LTN1: variants seen among roughly 807,000 people sequenced by gnomAD.
The protein encoded by LTN1 is E3 ubiquitin-protein ligase listerin.
A neutral mutation model predicts 201.2 loss-of-function variants in LTN1; 88 were observed. That is an observed-to-expected ratio of 0.44 (90% CI 0.37 to 0.52). LTN1 has a LOEUF of 0.52. Ranked by LOEUF, LTN1 falls within the 20% of genes least tolerant of loss-of-function variation. The probability of loss-of-function intolerance (pLI) is 0.00; values close to 1 mark genes in which losing one functional copy is unlikely to be tolerated. For synonymous variants in LTN1, 645 were observed against 713.5 expected (o/e 0.90, Z 1.53); for missense variants, 1,752 against 2,038.7 (o/e 0.86, Z 2.71).
In LTN1 at chr21:28,960,559, A is replaced by G. The variant is rs768007697; in HGVS notation, c.2311T>C (p.Trp771Arg). The G allele has an allele frequency of 6.2e-6, 10 of 1,613,860 alleles. No homozygotes were observed. Among genetic ancestry groups the G allele is most frequent in the African/African-American group, 1.3e-5 (1 of 74,910 alleles). ...GATAATACCAAGCTTAGAAGAGTCC[A>G]TCTTTCTGAGAAGTGAGATTCTGAA... is the stretch of plus-strand genomic sequence containing the variant. ...VSSESHFSER[W>R]TLLSLVLSQH... The change falls in exon 12 of 30, where the codon TGG becomes CGG. Residue 771 changes from tryptophan to arginine, a missense_variant. Transcript: ENST00000361371.
In LTN1 at chr21:28,952,208, C is replaced by T. The variant is rs147272506; in HGVS notation, c.3296G>A (p.Arg1099Gln). The part of the protein sequence containing the change: ...SLIIAKLILS[R>Q]SISSDEVKPH... ...TTTTACTTCATCAGATGAAATGCTT[C>T]GGGAAAGGATCAACTTAGCAATAAT... is the stretch of plus-strand genomic sequence containing the variant. Residue 1099 changes from arginine (R) to glutamine (Q), a missense_variant, in exon 18 of 30, where the codon CGA becomes CAA. Physicochemically the swap from Arg to Gln is conservative, Grantham distance 43 (BLOSUM62 1). This residue lies in a region of LTN1 where 1,211 missense variants were observed against 1,312.8 expected (regional missense o/e 0.92). Transcript: ENST00000361371. 7.0e-5 allele frequency: 113 copies of T among 1,610,392 alleles called. No individual in the cohort carries two copies. In the African/African-American group the frequency reaches 8.3e-4, roughly 12 times the overall value.
chr21:28,931,099 GTTTA>G, intron 29 of LTN1, 52 bp downstream of exon 29: 2 of 927,616 alleles, frequency 2.2e-6, no homozygotes, highest in African/African-American at 1.7e-5. Flanking sequence ...GTGTGTGTGT[GTTTA>G]TGTGTATAAA....
chr21:28,984,943 A>G, intron 3 of LTN1, 21 bp from the exon 4 acceptor site: 1 of 1,554,930 alleles, frequency 6.4e-7, no homozygotes, highest in Non-Finnish European at 8.8e-7. Flanking sequence ...TATAAATGTG[A>G]TTTAAAATAG....
intron 6 of LTN1, among the ~76,000 whole-genome samples, chr21:28,972,923 C>T (rs1228954468): frequency 6.6e-6 from 1 of 152,158 alleles, no homozygotes; most frequent in Non-Finnish European, 1.5e-5. Context: ...AAACTACCTT[C>T]AAAAGAAGGA....
In LTN1 at chr21:28,986,919, G is replaced by A. The variant is rs758129959; in HGVS notation, c.58C>T (p.Arg20Ter). Residue 20 changes from arginine (R) to a stop codon, truncating the protein, a stop_gained, in exon 2 of 30, where the codon CGA becomes TGA. Coordinates refer to ENST00000361371, the MANE Select transcript of LTN1 (RefSeq NM_015565.3). LOFTEE classifies it high-confidence loss of function. This position sits in a 1 kb window ranked among gnomAD's most constrained non-coding sequence, Gnocchi z 4.1. ...KGNLRPSNSGRAAELLAKEQG... is the reference protein window; with the variant it reads ...KGNLRPSNSG ...TCTTTGGCAAGGAGTTCTGCAGCTC[G>A]GCCACTGTTTGAAGGCTGATAAGAA... 1.2e-6 allele frequency: 2 copies of A among 1,613,670 alleles called. No homozygotes were observed. The highest frequency in any genetic ancestry group is 1.6e-4 in the Middle Eastern group (1 of 6,078).
intron 11 of LTN1, chr21:28,964,695 C>T (rs1416458361): frequency 4.5e-6 from 7 of 1,550,320 alleles, no homozygotes; most frequent in East Asian, 2.4e-5. Flanking sequence ...CTAGGAACTT[C>T]CAATCACTGC....
intron 5 of LTN1, 133 bp downstream of exon 5, chr21:28,982,183 A>T: frequency 1.5e-6 from 1 of 683,488 alleles, no homozygotes; most frequent in Non-Finnish European, 2.5e-6. Context: ...CGCCACTGCA[A>T]TCCAGCCTGG....
At chr21:28,949,881 C>T (rs1175009355) in intron 18 of LTN1, among the ~76,000 whole-genome samples, 1 of 152,088 alleles carries the variant, frequency 6.6e-6, no homozygotes, top group Non-Finnish European at 1.5e-5. Flanking sequence ...ATTTACTCAC[C>T]ACAGTGATTT....
chr21:28,948,356 G>A (rs900548109), intron 18 of LTN1, among the ~76,000 whole-genome samples: 1 of 136,248 alleles, frequency 7.3e-6, no homozygotes, highest in African/African-American at 2.8e-5. Flanking sequence ...TGCAACCTCT[G>A]CCTCCCAGGT....
chr21:28,941,320 A>G lies in LTN1; in HGVS notation c.4382T>C (p.Ile1461Thr). The change falls in exon 25 of 30, where the codon ATA becomes ACA. Residue 1461 changes from isoleucine to threonine, a missense_variant. Ile to Thr is a moderately conservative substitution (Grantham distance 89). This residue lies in a region of LTN1 where 1,211 missense variants were observed against 1,312.8 expected (regional missense o/e 0.92). Coordinates refer to ENST00000361371, the MANE Select transcript of LTN1 (RefSeq NM_015565.3). Reference protein sequence around the residue: ...NVLGCIPVGQIVTIKPLSEDF... With the variant: ...NVLGCIPVGQTVTIKPLSEDF... Reference sequence around the variant, plus strand: ...TTCACTCAGTGGTTTAATAGTAACTATCTGTCCAACAGGAATACACCCCAA... The same window carrying G: ...TTCACTCAGTGGTTTAATAGTAACTGTCTGTCCAACAGGAATACACCCCAA... The G allele has an allele frequency of 6.2e-7, 1 of 1,613,114 alleles. No individual in the cohort carries two copies. Among genetic ancestry groups the G allele is most frequent in the Admixed American group, 1.7e-5 (1 of 60,010 alleles).
At chr21:28,982,930 T>A (rs62224016) in intron 4 of LTN1, among the ~76,000 whole-genome samples, 5,955 of 152,324 alleles carry the variant, frequency 0.039, 131 homozygotes, top group Middle Eastern at 0.12. Flanking sequence ...AAATCAATCC[T>A]CAGAACTCCA....
At chr21:28,956,729 TTA>T (rs775909518) in intron 16 of LTN1, 31 bp downstream of exon 16, 3 of 1,140,328 alleles carry the variant, frequency 2.6e-6, no homozygotes, top group South Asian at 1.8e-5. Context: ...CATTCATGCA[TTA>T]TGTTATATGT....
chr21:28,966,564 G>A lies in LTN1; in HGVS notation c.1927C>T (p.Gln643Ter), dbSNP rs1284211084. Residue 643 changes from glutamine to a stop codon, truncating the protein, a stop_gained, in exon 10 of 30, where the codon CAA (glutamine) becomes TAA (stop). Coordinates refer to ENST00000361371, the MANE Select transcript of LTN1 (RefSeq NM_015565.3). LOFTEE classifies it high-confidence loss of function. ...TTGGCTATTTCAAGAGGTTTGGCTT[G>A]GACAATACTCTGTTTTTCATCACCA... ...LLGDEKQSIV[Q>*]AKPLEIAKLV... 6.2e-7 allele frequency: 1 copy of A among 1,614,050 alleles called. No individual in the cohort carries two copies. The highest frequency in any genetic ancestry group is 2.2e-5 in the East Asian group (1 of 44,868).
chr21:28,968,581 T>C (rs1470799566), intron 9 of LTN1, among the ~76,000 whole-genome samples: 3 of 152,160 alleles, frequency 2.0e-5, no homozygotes, highest in Non-Finnish European at 2.9e-5. Context: ...AGATCATAAA[T>C]AGCAACTTCA....
At chr21:28,982,594 T>A (rs2084667686) in intron 4 of LTN1, among the ~76,000 whole-genome samples, 1 of 152,250 alleles carries the variant, frequency 6.6e-6, no homozygotes, top group African/African-American at 2.4e-5. Flanking sequence ...CACGCACCTA[T>A]AAATACTCCT....
intron 28 of LTN1, 111 bp from the exon 29 acceptor site, chr21:28,931,433 G>A: frequency 1.5e-6 from 1 of 665,046 alleles, no homozygotes; most frequent in Non-Finnish European, 2.5e-6. Flanking sequence ...AAGAGAATCT[G>A]CTTGGCTATG....
intron 6 of LTN1, among the ~76,000 whole-genome samples, chr21:28,978,622 G>A (rs1381234018): frequency 6.6e-6 from 1 of 152,158 alleles, no homozygotes; most frequent in African/African-American, 2.4e-5. Flanking sequence ...AAAAATCAGT[G>A]ACTTTGATCA....
At chr21:28,950,778 T>C (rs769831151) in intron 18 of LTN1, among the ~76,000 whole-genome samples, 9 of 152,196 alleles carry the variant, frequency 5.9e-5, no homozygotes, top group Non-Finnish European at 1.2e-4. Context: ...CCTTCCAAAG[T>C]GCTGGGATTA....
At chr21:28,970,797 A>G in intron 7 of LTN1, 55 bp from the exon 8 acceptor site, 1 of 1,356,040 alleles carries the variant, frequency 7.4e-7, no homozygotes, top group East Asian at 2.4e-5. Context: ...TACTTTTCTC[A>G]ATTAAAAGAG....
Sources: gnomAD v4.1 joint callset for allele counts (sites outside exome capture counted in the v4.1 genomes callset) on GRCh38, gnomAD v4.1.1 for gene constraint, gnomAD v4.1.1 regional missense constraint, Gnocchi (gnomAD v3.1) non-coding constraint, MANE v1.5 for transcripts, NCBI Gene and HGNC (gene_info 2026-07-23, HGNC 2026-07-21) for gene names.